The following INPP5A variants were observed in gnomAD, a reference collection of about 807,000 sequenced individuals.
INPP5A encodes the protein inositol polyphosphate-5-phosphatase A, also known as 43 kDa inositol polyphosphate 5-phophatase.
In INPP5A, 14 loss-of-function variants were observed where a neutral mutation model predicts 65.2. That is an observed-to-expected ratio of 0.21 (90% CI 0.14 to 0.34). The LOEUF is 0.34. Among genes scored for constraint, INPP5A ranks in the 10% least tolerant of loss-of-function variants. INPP5A has a pLI of 1.00. For missense variants in INPP5A, 431 were observed against 545.6 expected (o/e 0.79, Z 2.09); for synonymous variants, 207 against 208.3 (o/e 0.99, Z 0.05).
In INPP5A at chr10:132,674,389, G is replaced by C. The variant is rs1169388995; in HGVS notation, c.307-16003G>C. 6.6e-6 allele frequency among the ~76,000 whole-genome samples: 1 copy of C among 152,182 alleles called. No individual in the cohort carries two copies. Among genetic ancestry groups the C allele is most frequent in the East Asian group, 1.9e-4 (1 of 5,186 alleles). ...ACTGGGAAGATTTCCCTTCACCGCT[G>C]TCCTTCAGGAATGTCCTAGAAAGGG... On this transcript the variant is annotated intron_variant, in intron 4 of 15. Coordinates refer to ENST00000368594, the MANE Select transcript of INPP5A (RefSeq NM_005539.5). The surrounding 1 kb of genome is among the most constrained non-coding windows in gnomAD (Gnocchi z 4.4).
intron 1 of INPP5A, among the ~76,000 whole-genome samples, chr10:132,586,471 G>A (rs11146424): frequency 1.3e-5 from 2 of 152,322 alleles, no homozygotes; most frequent in South Asian, 2.1e-4. Context: ...ACGACACGCC[G>A]TTCCCCAGAA....
chr10:132,578,214 G>A (rs1036854742), intron 1 of INPP5A, among the ~76,000 whole-genome samples: 10 of 152,082 alleles, frequency 6.6e-5, no homozygotes, highest in African/African-American at 2.2e-4. Flanking sequence ...CCTTTTTTGT[G>A]TCTGGTTTTA....
At chr10:132,573,985 G>A (rs1324607904) in intron 1 of INPP5A, among the ~76,000 whole-genome samples, 1 of 128,662 alleles carries the variant, frequency 7.8e-6, no homozygotes, top group Non-Finnish European at 1.6e-5. Context: ...ATGTTGGGGT[G>A]TACGTGCCGT....
In INPP5A at chr10:132,630,596, ACGTCCATG is replaced by A. The variant is rs1564941120; in HGVS notation, c.118-15271_118-15264del. 8.9e-4 allele frequency among the ~76,000 whole-genome samples: 131 copies of A among 147,472 alleles called. 1 individual carries two copies. The highest frequency in any genetic ancestry group is 3.3e-3 in the African/African-American group (124 of 38,038). On this transcript the variant is annotated intron_variant, in intron 2 of 15. Transcript: ENST00000368594. ...AGAGGAAGACGTCCATGAGGGGAAG[ACGTCCATG>A]AGGGGAAGACATCCATGAGGGGAAG...
At position 132,735,370 on chromosome 10, in the gene INPP5A, A is replaced by G. The variant is rs181992667; in HGVS notation, c.732+8465A>G. Reference sequence around the variant, plus strand: ...CAGTGACACAGTCGTGCATAGCCAGAGCGCATCAGGAAGCCGTGTTTATCA... The same window carrying G: ...CAGTGACACAGTCGTGCATAGCCAGGGCGCATCAGGAAGCCGTGTTTATCA... On this transcript the variant is annotated intron_variant, in intron 9 of 15. Transcript: ENST00000368594. 2.0e-3 allele frequency among the ~76,000 whole-genome samples: 312 copies of G among 152,346 alleles called. 2 individuals carry two copies. Among genetic ancestry groups the G allele is most frequent in the Non-Finnish European group, 2.3e-3 (157 of 68,038 alleles).
chr10:132,561,052 C>CTTT (rs758540879), intron 1 of INPP5A, among the ~76,000 whole-genome samples: 1 of 126,982 alleles, frequency 7.9e-6, no homozygotes, highest in Non-Finnish European at 1.7e-5. Context: ...GTTTGAAGCA[C>CTTT]TTTTTTTTTT....
At chr10:132,721,421 A>AGT (rs1845877025) in intron 8 of INPP5A, among the ~76,000 whole-genome samples, 3 of 145,138 alleles carry the variant, frequency 2.1e-5, no homozygotes, top group Non-Finnish European at 4.5e-5. Flanking sequence ...GGTGCCTTAG[A>AGT]CGGCTGGCTT....
chr10:132,581,860 C>G (rs2071488517), intron 1 of INPP5A, among the ~76,000 whole-genome samples: 3 of 151,488 alleles, frequency 2.0e-5, no homozygotes, highest in Admixed American at 6.6e-5. Flanking sequence ...TTTTTTGAGA[C>G]AGAGTCTTGC....
Position 132,616,855 on chromosome 10 carries a change from C to T in INPP5A, c.117+8899C>T, listed in dbSNP as rs950046205. Among the ~76,000 whole-genome samples the T allele has an allele frequency of 6.6e-6, 1 of 151,906 alleles. No individual in the cohort carries two copies. The highest frequency in any genetic ancestry group is 1.5e-5 in the Non-Finnish European group (1 of 67,980). ...AGGGAGGAAGGCCAGCTTCACGCTGCAGGAGCTCCTGGGCAGTCTGTTCTG... is the reference window on the plus strand; with the variant it reads ...AGGGAGGAAGGCCAGCTTCACGCTGTAGGAGCTCCTGGGCAGTCTGTTCTG... On this transcript the variant is annotated intron_variant, in intron 2 of 15. Coordinates refer to ENST00000368594, the MANE Select transcript of INPP5A (RefSeq NM_005539.5). This position sits in a 1 kb window ranked among gnomAD's most constrained non-coding sequence, Gnocchi z 4.9.
At position 132,607,928 on chromosome 10, in the gene INPP5A, A is replaced by G. The variant is rs2071881143; in HGVS notation, c.89A>G (p.Gln30Arg). The change falls in exon 2 of 16, where the codon CAG becomes CGG. Residue 30 changes from glutamine to arginine, a missense_variant. By Grantham distance (43) the Gln-to-Arg change is conservative. Transcript: ENST00000368594. ...CTTAATTTACAGCCAGAAAACCTGC[A>G]GAAGAACTGGCTTCGGGAATTTTAC... ...GSLFDDPENL[Q>R]KNWLREFYQV... 1.2e-6 allele frequency: 2 copies of G among 1,611,046 alleles called. No individual in the cohort carries two copies. Among genetic ancestry groups the G allele is most frequent in the African/African-American group, 1.3e-5 (1 of 74,954 alleles).
chr10:132,568,911 ATTTTTTTTTTTT>A (rs1171904388), intron 1 of INPP5A, among the ~76,000 whole-genome samples: 1 of 129,052 alleles, frequency 7.7e-6, no homozygotes, highest in Non-Finnish European at 1.6e-5. Flanking sequence ...TCTTACCGGC[ATTTTTTTTTTTT>A]TTTTTTTTTT....
chr10:132,745,725 T>C (rs1220913614), intron 9 of INPP5A, among the ~76,000 whole-genome samples: 1 of 129,536 alleles, frequency 7.7e-6, no homozygotes, highest in African/African-American at 3.0e-5. Context: ...CGTGGTGGGC[T>C]TCGGGCGTGG....
At chr10:132,711,796 G>A (rs1403493810) in intron 8 of INPP5A, among the ~76,000 whole-genome samples, 1 of 152,240 alleles carries the variant, frequency 6.6e-6, no homozygotes, top group Non-Finnish European at 1.5e-5. Flanking sequence ...TGTCCCTGGG[G>A]CAGTCACAAC....
rs1466282038 is a variant in INPP5A, at chr10:132,546,818, G to A, written c.75+8647G>A. On this transcript the variant is annotated intron_variant, in intron 1 of 15. Transcript: ENST00000368594. The surrounding 1 kb of genome is among the most constrained non-coding windows in gnomAD (Gnocchi z 5.7). ...TCCCTGGCCCTTCCCTCTCGTTTCTGCCTGGGCCTGCCTGGCTGGTCTTGC... is the reference window on the plus strand; with the variant it reads ...TCCCTGGCCCTTCCCTCTCGTTTCTACCTGGGCCTGCCTGGCTGGTCTTGC... Among the ~76,000 whole-genome samples, 1 of 152,166 alleles carries A rather than the reference G, an allele frequency of 6.6e-6. No individual in the cohort carries two copies. Among genetic ancestry groups the A allele is most frequent in the Non-Finnish European group, 1.5e-5 (1 of 68,034 alleles).
At chr10:132,669,838 T>G (rs1424089268) in intron 4 of INPP5A, among the ~76,000 whole-genome samples, 1 of 152,040 alleles carries the variant, frequency 6.6e-6, no homozygotes, top group African/African-American at 2.4e-5. Flanking sequence ...CTGTCCCCAC[T>G]GTGGCCTTGC....
chr10:132,589,136 G>A (rs945743742), intron 1 of INPP5A, among the ~76,000 whole-genome samples: 1 of 152,194 alleles, frequency 6.6e-6, no homozygotes, highest in Non-Finnish European at 1.5e-5. Context: ...CGGCTTTTGT[G>A]GATTGGAATC....
At chr10:132,681,831 C>T (rs1218055697) in intron 4 of INPP5A, among the ~76,000 whole-genome samples, 1 of 152,232 alleles carries the variant, frequency 6.6e-6, no homozygotes, top group Non-Finnish European at 1.5e-5. Flanking sequence ...AATGCGGAAG[C>T]AGTACCATGG....
intron 11 of INPP5A, among the ~76,000 whole-genome samples, chr10:132,755,681 GGTGT>G (rs1328313130): frequency 5.3e-5 from 8 of 152,012 alleles, no homozygotes; most frequent in Non-Finnish European, 1.0e-4. Context: ...CATGTGAGTG[GGTGT>G]GTGTGGGGGG....
intron 1 of INPP5A, among the ~76,000 whole-genome samples, chr10:132,557,339 T>C (rs1371111535): frequency 6.6e-6 from 1 of 152,258 alleles, no homozygotes; most frequent in Non-Finnish European, 1.5e-5. Context: ...TGTGGGCTCC[T>C]GCAGCAGTGC....
Sources: gnomAD v4.1 joint callset for allele counts (sites outside exome capture counted in the v4.1 genomes callset) on GRCh38, gnomAD v4.1.1 for gene constraint, Gnocchi (gnomAD v3.1) non-coding constraint, MANE v1.5 for transcripts, NCBI Gene and HGNC (gene_info 2026-07-23, HGNC 2026-07-21) for gene names.